KDM4C: variants seen among roughly 807,000 people sequenced by gnomAD.
KDM4C encodes lysine demethylase 4C.
In KDM4C, 81 loss-of-function variants were observed where a neutral mutation model predicts 129.3. The observed-to-expected ratio is 0.63, with a 90% CI of 0.52 to 0.75. KDM4C has a LOEUF of 0.75. Ranked by LOEUF, KDM4C falls within the 30% of genes least tolerant of loss-of-function variation. KDM4C has a pLI of 0.00. For synonymous variants in KDM4C, 573 were observed against 456.1 expected (o/e 1.26, Z -3.26); for missense variants, 1,457 against 1,304.0 (o/e 1.12, Z -1.81).
At chr9:7,004,879 G>C (rs149477505) in intron 12 of KDM4C, among the ~76,000 whole-genome samples, 1 of 152,032 alleles carries the variant, frequency 6.6e-6, no homozygotes, top group Non-Finnish European at 1.5e-5. Context: ...TGGCTGCTGC[G>C]GGGTTCTGTC....
chr9:6,773,061 G>C (rs114193267), intron 1 of KDM4C, among the ~76,000 whole-genome samples: 1 of 151,468 alleles, frequency 6.6e-6, no homozygotes, highest in Non-Finnish European at 1.5e-5. Flanking sequence ...GTGGAGTGGT[G>C]AGATCATGGC....
chr9:6,856,547 T>C (rs1277950300), intron 5 of KDM4C, among the ~76,000 whole-genome samples: 6 of 134,528 alleles, frequency 4.5e-5, no homozygotes, highest in African/African-American at 8.7e-5. Context: ...TGCGTGTGTG[T>C]GTGTGTGTGT....
At chr9:6,726,770 C>T (rs1163967314) in intron 1 of KDM4C, among the ~76,000 whole-genome samples, 1 of 152,154 alleles carries the variant, frequency 6.6e-6, no homozygotes, top group Non-Finnish European at 1.5e-5. Context: ...GAGTCTTGCT[C>T]TGTCTCCTAG....
chr9:6,781,141 A>T (rs1009785125), intron 1 of KDM4C, among the ~76,000 whole-genome samples: 7 of 152,090 alleles, frequency 4.6e-5, no homozygotes, highest in African/African-American at 1.7e-4. Flanking sequence ...GGCTGCCTGA[A>T]TTTACCCCTG....
chr9:6,949,395 G>A (rs1377606460), intron 8 of KDM4C, among the ~76,000 whole-genome samples: 2 of 152,074 alleles, frequency 1.3e-5, no homozygotes, highest in South Asian at 2.1e-4. Flanking sequence ...CATCCCAGAC[G>A]ATGAGTGGCC....
At chr9:6,763,150 T>TC (rs1819916865) in intron 1 of KDM4C, among the ~76,000 whole-genome samples, 2 of 151,962 alleles carry the variant, frequency 1.3e-5, no homozygotes, top group South Asian at 4.2e-4. Context: ...AGGAAGCCTA[T>TC]CCCCCCTGCT....
chr9:6,889,211 T>TTTTGTGTGTG (rs766335055), intron 7 of KDM4C, among the ~76,000 whole-genome samples: 4 of 61,616 alleles, frequency 6.5e-5, no homozygotes, highest in East Asian at 5.9e-4. Flanking sequence ...GGCCTTCTTT[T>TTTTGTGTGTG]TGTGTGTGTG....
chr9:6,870,186 C>T (rs556987822), intron 5 of KDM4C, among the ~76,000 whole-genome samples: 120 of 152,288 alleles, frequency 7.9e-4, no homozygotes, highest in Middle Eastern at 3.4e-3. Context: ...AAAACAACCA[C>T]TTCAGGTAGT....
At chr9:6,730,228 C>G (rs987034464) in intron 1 of KDM4C, among the ~76,000 whole-genome samples, 2 of 152,176 alleles carry the variant, frequency 1.3e-5, no homozygotes, top group Admixed American at 1.3e-4. Flanking sequence ...GAATCCTGAT[C>G]CTAATTTCCT....
At chr9:7,149,556 G>A (rs1362356014) in intron 19 of KDM4C, among the ~76,000 whole-genome samples, 3 of 152,220 alleles carry the variant, frequency 2.0e-5, no homozygotes, top group Non-Finnish European at 2.9e-5. Context: ...TGCCTCCCTC[G>A]CTGCAGCTGG....
In KDM4C at chr9:6,984,429, C is replaced by T. The variant is rs374617479; in HGVS notation, c.1354+25C>T. On this transcript the variant is annotated intron_variant, in intron 10 of 21. Transcript: ENST00000381309. The stretch of plus-strand genomic sequence containing the variant: ...GGTGAGAAGATGGTTGATTAGGTTT[C>T]ACATATAAGTAGTAGGTGGTTGATG... The T allele has an allele frequency of 7.6e-6, 11 of 1,456,400 alleles. No individual in the cohort carries two copies. In the African/African-American group the frequency reaches 1.5e-4, roughly 20 times the overall value. The allele number at this position is 1,456,400 out of a possible 1,614,324, so 90.2% of individuals were successfully genotyped here.
At chr9:6,911,471 C>T (rs1354770172) in intron 8 of KDM4C, among the ~76,000 whole-genome samples, 1 of 152,140 alleles carries the variant, frequency 6.6e-6, no homozygotes, top group African/African-American at 2.4e-5. Flanking sequence ...TGATGAATTA[C>T]ATATCCCGAT....
chr9:6,888,131 A>T, intron 7 of KDM4C, 68 bp downstream of exon 7: 1 of 763,592 alleles, frequency 1.3e-6, no homozygotes, highest in Non-Finnish European at 2.1e-6. Flanking sequence ...GAAGTAATGT[A>T]TCTTTAACTT....
intron 4 of KDM4C, chr9:6,814,979 C>G (rs774883639): frequency 9.2e-5 from 32 of 346,226 alleles, no homozygotes; most frequent in Middle Eastern, 1.5e-3. Context: ...ATGTGGTTAT[C>G]TGGCTGATCT....
rs180768736 is a variant in KDM4C at position 7,175,368 on chromosome 9, T to G, written c.*639T>G. 3.3e-5 allele frequency: 5 copies of G among 152,730 alleles called. No individual in the cohort carries two copies. In the East Asian group the frequency reaches 9.6e-4, roughly 29 times the overall value. 9.5% of individuals were successfully genotyped at this position (152,730 alleles called of 1,614,324 possible). On this transcript the variant is annotated 3_prime_UTR_variant, in exon 22 of 22. Coordinates refer to ENST00000381309, the MANE Select transcript of KDM4C (RefSeq NM_015061.6). ...AGTTGTTGGCCTTTGTGAAATGAAA[T>G]TTTTGGCTCTTGAGAAAGAATTCTT...
intron 8 of KDM4C, among the ~76,000 whole-genome samples, chr9:6,939,723 A>C (rs544129602): frequency 6.6e-6 from 1 of 152,356 alleles, no homozygotes; most frequent in South Asian, 2.1e-4. Context: ...AATTAATGAT[A>C]GGGTTCCTTG....
rs1055848936 is a variant in KDM4C at position 7,014,077 on chromosome 9, C to A, written c.2182+76C>A. On this transcript the variant is annotated intron_variant, in intron 14 of 21. Coordinates refer to ENST00000381309, the MANE Select transcript of KDM4C (RefSeq NM_015061.6). ...ATCTTTATTTCTCACTTTTTTGGAACCTGTCAGATCTGTTGCATGGACTAT... is the reference window on the plus strand; with the variant it reads ...ATCTTTATTTCTCACTTTTTTGGAAACTGTCAGATCTGTTGCATGGACTAT... The A allele has an allele frequency of 4.3e-6, 5 of 1,167,786 alleles. No homozygotes were observed. The Admixed American group carries it at 7.8e-5, about 18-fold the overall frequency. The allele number at this position is 1,167,786 out of a possible 1,614,324, so 72.3% of individuals were successfully genotyped here.
In KDM4C at chr9:7,175,052, C is replaced by T. The variant is rs762783247; in HGVS notation, c.*323C>T. The T allele has an allele frequency of 2.0e-4, 43 of 210,992 alleles. No homozygotes were observed. The highest frequency in any genetic ancestry group is 1.0e-3 in the Admixed American group (20 of 19,268). The allele number at this position is 210,992 out of a possible 1,614,324, so 13.1% of individuals were successfully genotyped here. A position where few individuals can be genotyped will look rare whatever the true frequency, so the allele number is the denominator to read the frequency against. On this transcript the variant is annotated 3_prime_UTR_variant, in exon 22 of 22. Coordinates refer to ENST00000381309, the MANE Select transcript of KDM4C (RefSeq NM_015061.6). ...GCCACTGCCACAGAGGAGGCGGGTC[C>T]CCTTGTGCGGCTTAGGGCCCTGTCA...
At chr9:6,849,811 C>A (rs1838505293) in intron 5 of KDM4C, 111 bp downstream of exon 5, 2 of 876,136 alleles carry the variant, frequency 2.3e-6, no homozygotes, top group Non-Finnish European at 3.5e-6. Flanking sequence ...TTTATGTGAG[C>A]TGTAAGGAAG....
Sources: gnomAD v4.1 joint callset for allele counts (sites outside exome capture counted in the v4.1 genomes callset) on GRCh38, gnomAD v4.1.1 for gene constraint, MANE v1.5 for transcripts, NCBI Gene and HGNC (gene_info 2026-07-23, HGNC 2026-07-21) for gene names.